Variants in NFATC1 observed in about 807,000 individuals in gnomAD.
The protein encoded by NFATC1 is nuclear factor of activated T-cells, cytoplasmic 1.
NFATC1 carries 22 observed loss-of-function variants against 76.0 expected under a neutral mutation model. The observed-to-expected ratio is 0.29, with a 90% CI of 0.21 to 0.41. The LOEUF is 0.41. Among genes scored for constraint, NFATC1 ranks in the 10% least tolerant of loss-of-function variants. NFATC1 has a pLI of 1.00. For missense variants in NFATC1, 1,357 were observed against 1,337.7 expected (o/e 1.01, Z -0.23); for synonymous variants, 704 against 613.1 (o/e 1.15, Z -2.19).
intron 7 of NFATC1, among the ~76,000 whole-genome samples, chr18:79,466,245 C>T (rs533342714): frequency 3.3e-5 from 5 of 152,186 alleles, no homozygotes; most frequent in Non-Finnish European, 7.3e-5. Flanking sequence ...ATCAATTTGG[C>T]TAAGTTAGGT....
At chr18:79,503,989 G>A (rs1305845749) in intron 9 of NFATC1, among the ~76,000 whole-genome samples, 2 of 152,154 alleles carry the variant, frequency 1.3e-5, no homozygotes, top group Non-Finnish European at 2.9e-5. Context: ...GCCTTCGTAG[G>A]ACAGAGAGAG....
At chr18:79,455,334 G>A (rs1392839008) in intron 6 of NFATC1, among the ~76,000 whole-genome samples, 1 of 152,194 alleles carries the variant, frequency 6.6e-6, no homozygotes, top group African/African-American at 2.4e-5. Context: ...GTCAGTGGTC[G>A]TTTCTGTGGC....
intron 8 of NFATC1, among the ~76,000 whole-genome samples, chr18:79,479,513 A>C (rs2089200677): frequency 6.6e-6 from 1 of 152,270 alleles, no homozygotes. Flanking sequence ...AGCACAGTTT[A>C]GGCCAAGCCC....
chr18:79,487,764 C>T (rs1009108430), intron 9 of NFATC1, among the ~76,000 whole-genome samples: 5 of 152,134 alleles, frequency 3.3e-5, no homozygotes, highest in Non-Finnish European at 4.4e-5. Flanking sequence ...CTGGTGACCA[C>T]GCGTTAGAGG....
chr18:79,491,943 A>G (rs73970094), intron 9 of NFATC1, among the ~76,000 whole-genome samples: 14,428 of 152,136 alleles, frequency 0.095, 2,215 homozygotes, highest in African/African-American at 0.33. Flanking sequence ...GCTTCACATG[A>G]ACAGCTGTGC....
chr18:79,513,735 G>A (rs1039407822), intron 9 of NFATC1, among the ~76,000 whole-genome samples: 4 of 152,228 alleles, frequency 2.6e-5, no homozygotes, highest in East Asian at 1.9e-4. Context: ...TGCATCTGCC[G>A]GGGGTGTGTG....
Position 79,469,410 on chromosome 18 carries a change from G to A in NFATC1, c.2092+1828G>A, listed in dbSNP as rs888384841. ...GAGGCAGAAGGGGCGTGCGGGGAGCGTGCCTGCCCTTCACAGGTGGGAGGT... is the reference window on the plus strand; with the variant it reads ...GAGGCAGAAGGGGCGTGCGGGGAGCATGCCTGCCCTTCACAGGTGGGAGGT... On this transcript the variant is annotated intron_variant, in intron 8 of 9. Coordinates refer to ENST00000427363, the MANE Select transcript of NFATC1 (RefSeq NM_001278669.2). 29 of 985,442 alleles carry A rather than the reference G, an allele frequency of 2.9e-5. No homozygotes were observed. The Middle Eastern group carries it at 2.1e-3, about 71-fold the overall frequency. 61.0% of individuals were successfully genotyped at this position (985,442 alleles called of 1,614,324 possible).
At chr18:79,400,268 CGGGGCGGGGACG>C (rs1288339094) in intron 1 of NFATC1, 41 of 968,750 alleles carry the variant, frequency 4.2e-5, no homozygotes, top group Non-Finnish European at 5.2e-5. Context: ...GGGGCGGGGG[CGGGGCGGGGACG>C]GGGGGAGGGG....
chr18:79,515,959 G>C (rs2090371633), intron 9 of NFATC1: 1 of 151,538 alleles, frequency 6.6e-6, no homozygotes, highest in Non-Finnish European at 1.5e-5. Context: ...GTTTGGTGCA[G>C]ATAAGACGGA....
chr18:79,396,162 C>T lies in NFATC1; in HGVS notation c.-63C>T. ...CTTCCCGGAGACCCGACCCCGGCAG[C>T]GCGGGGCGGCCGCTTCTCCTGTGCC... On this transcript the variant is annotated 5_prime_UTR_variant, in exon 1 of 10. Transcript: ENST00000427363. The T allele has an allele frequency of 2.2e-6, 3 of 1,377,818 alleles. No homozygotes were observed. Among genetic ancestry groups the T allele is most frequent in the Non-Finnish European group, 1.9e-6 (2 of 1,052,212 alleles). 85.3% of individuals were successfully genotyped at this position (1,377,818 alleles called of 1,614,324 possible).
At chr18:79,505,628 G>A (rs1168428388) in intron 9 of NFATC1, among the ~76,000 whole-genome samples, 1 of 145,674 alleles carries the variant, frequency 6.9e-6, no homozygotes. Context: ...AGACTGCTGC[G>A]TGGGAGGAGG....
intron 9 of NFATC1, among the ~76,000 whole-genome samples, chr18:79,509,475 C>T (rs377200568): frequency 3.9e-5 from 6 of 152,328 alleles, no homozygotes; most frequent in South Asian, 4.1e-4. Context: ...GAGGAGAGCA[C>T]GCAGATGCCG....
intron 8 of NFATC1, among the ~76,000 whole-genome samples, chr18:79,471,589 G>GCTGCTCC (rs1159140874): frequency 1.3e-5 from 2 of 152,212 alleles, no homozygotes; most frequent in Non-Finnish European, 2.9e-5. Flanking sequence ...CCCAGGAGAA[G>GCTGCTCC]CTGCTCCCGG....
chr18:79,435,390 C>A (rs1466821854), intron 3 of NFATC1, among the ~76,000 whole-genome samples: 2 of 151,384 alleles, frequency 1.3e-5, no homozygotes, highest in Non-Finnish European at 2.9e-5. Context: ...TCGCTCTCAC[C>A]CGGGCTGGAG....
At chr18:79,499,723 A>G (rs1207573617) in intron 9 of NFATC1, among the ~76,000 whole-genome samples, 1 of 152,216 alleles carries the variant, frequency 6.6e-6, no homozygotes, top group Non-Finnish European at 1.5e-5. Flanking sequence ...AGAGATATGG[A>G]GATAATGGAA....
chr18:79,491,572 G>T (rs1168877478), intron 9 of NFATC1, among the ~76,000 whole-genome samples: 1 of 152,204 alleles, frequency 6.6e-6, no homozygotes, highest in African/African-American at 2.4e-5. Context: ...GGCCAGCCCC[G>T]AGCCCCGTGA....
At chr18:79,481,592 C>G (rs934008844) in intron 8 of NFATC1, among the ~76,000 whole-genome samples, 8 of 152,244 alleles carry the variant, frequency 5.3e-5, no homozygotes, top group Admixed American at 2.6e-4. Context: ...GCAGAGTCCT[C>G]CTCCCAGGAA....
chr18:79,462,256 T>G (rs972871333), intron 7 of NFATC1, among the ~76,000 whole-genome samples: 16 of 152,218 alleles, frequency 1.1e-4, no homozygotes, highest in African/African-American at 2.9e-4. Flanking sequence ...CAACGTCTTC[T>G]TGGGTGGTGT....
Position 79,411,190 on chromosome 18 carries a change from C to G in NFATC1, c.915C>G (p.Thr305=). 6.2e-7 allele frequency: 1 copy of G among 1,611,216 alleles called. No homozygotes were observed. The highest frequency in any genetic ancestry group is 8.5e-7 in the Non-Finnish European group (1 of 1,179,874). ...ACGACTCGTGGTTGGGCAACACCAC[C>G]CAGTACACCAGCTCGGCCATCGTGG... ...VTDDSWLGNT[T]QYTSSAIVAA... The change falls in exon 2 of 10, where the codon ACC becomes ACG. Residue 305 remains threonine (T), a synonymous_variant. Transcript: ENST00000427363.
Sources: gnomAD v4.1 joint callset for allele counts (sites outside exome capture counted in the v4.1 genomes callset) on GRCh38, gnomAD v4.1.1 for gene constraint, MANE v1.5 for transcripts, NCBI Gene and HGNC (gene_info 2026-07-23, HGNC 2026-07-21) for gene names.